AKAP10: variants seen among roughly 807,000 people sequenced by gnomAD.
AKAP10 encodes A-kinase anchor protein 10, mitochondrial.
Under a neutral mutation model 80.8 loss-of-function variants are expected in AKAP10, and 24 were observed. The observed-to-expected ratio is 0.30, with a 90% CI of 0.22 to 0.42. The LOEUF is 0.42. Ranked by LOEUF, AKAP10 falls within the 10% of genes least tolerant of loss-of-function variation. The pLI is 1.00. For missense variants in AKAP10, 661 were observed against 794.9 expected (o/e 0.83, Z 2.03); for synonymous variants, 291 against 277.7 (o/e 1.05, Z -0.48).
In AKAP10 at chr17:19,964,063, T is replaced by C. The variant is rs561496827; in HGVS notation, c.137-1041A>G. ...AAATGAAGAGTGACTGTCTTCAAAC[T>C]ATTTTTTCAATGTTAAAAGAAGGTT... is the stretch of plus-strand genomic sequence containing the variant. On this transcript the variant is annotated intron_variant, in intron 2 of 14. Coordinates refer to ENST00000225737, the MANE Select transcript of AKAP10 (RefSeq NM_007202.4). 7.9e-5 allele frequency among the ~76,000 whole-genome samples: 12 copies of C among 152,330 alleles called. No individual in the cohort carries two copies. The South Asian group carries it at 2.5e-3, about 32-fold the overall frequency.
chr17:19,949,339 T>C (rs1225750846), intron 4 of AKAP10, among the ~76,000 whole-genome samples: 1 of 151,372 alleles, frequency 6.6e-6, no homozygotes, highest in Non-Finnish European at 1.5e-5. Context: ...TGAATAGAAA[T>C]TTTCGAAGCT....
chr17:19,923,111 T>A (rs2042835868), intron 11 of AKAP10, among the ~76,000 whole-genome samples: 1 of 152,178 alleles, frequency 6.6e-6, no homozygotes, highest in Admixed American at 6.5e-5. Flanking sequence ...AGAGTCTTAC[T>A]CTGTCGCGCA....
rs143668235 is a variant in AKAP10, at chr17:19,940,965, C to A, written c.1107G>T (p.Gln369His). Reference sequence around the variant, plus strand: ...CAGTTCCACTGGTCAGCACTTCAATCTGGTATTTACAGAAATGGTGACTTC... The same window carrying A: ...CAGTTCCACTGGTCAGCACTTCAATATGGTATTTACAGAAATGGTGACTTC... ...FLRSHHFCKY[Q>H]IEVLTSGTVY... The change falls in exon 7 of 15, where the codon CAG becomes CAT. Residue 369 changes from glutamine to histidine, a missense_variant. Coordinates refer to ENST00000225737, the MANE Select transcript of AKAP10 (RefSeq NM_007202.4). 4 of 1,611,382 alleles carry A rather than the reference C, an allele frequency of 2.5e-6. No homozygotes were observed. In the South Asian group the frequency reaches 4.4e-5, roughly 18 times the overall value.
chr17:19,920,235 C>T, intron 11 of AKAP10, 117 bp from the exon 12 acceptor site: 2 of 699,522 alleles, frequency 2.9e-6, no homozygotes, highest in Non-Finnish European at 2.4e-6. Flanking sequence ...CAATTTATAG[C>T]TATCCTAAGT....
chr17:19,956,991 T>C lies in AKAP10; in HGVS notation c.877+1023A>G, dbSNP rs374343744. On this transcript the variant is annotated intron_variant, in intron 4 of 14. Coordinates refer to ENST00000225737, the MANE Select transcript of AKAP10 (RefSeq NM_007202.4). ...AGTAGCAGATTAGACCTCATTTTAGTTCACTGAGAATGAGTGAACTAAAAG... is the reference window on the plus strand; with the variant it reads ...AGTAGCAGATTAGACCTCATTTTAGCTCACTGAGAATGAGTGAACTAAAAG... 9.2e-5 allele frequency among the ~76,000 whole-genome samples: 14 copies of C among 152,216 alleles called. No homozygotes were observed. In the East Asian group the frequency reaches 2.5e-3, roughly 27 times the overall value.
chr17:19,946,224 A>T (rs866594074), intron 5 of AKAP10, among the ~76,000 whole-genome samples: 144 of 10,536 alleles, frequency 0.014, 9 homozygotes, highest in African/African-American at 0.038. Flanking sequence ...TATATATTTT[A>T]TATATATATA....
intron 14 of AKAP10, among the ~76,000 whole-genome samples, chr17:19,907,014 G>T (rs1005048350): frequency 5.4e-5 from 8 of 149,210 alleles, no homozygotes; most frequent in African/African-American, 7.5e-5. Flanking sequence ...CGAGTCTACT[G>T]TTTTTTTTTG....
chr17:19,946,223 TATATATATATATATTATATATATATATA>T (rs1567765351), intron 5 of AKAP10, among the ~76,000 whole-genome samples: 1 of 13,426 alleles, frequency 7.4e-5, no homozygotes, highest in Non-Finnish European at 1.4e-4. Flanking sequence ...ATATATATTT[TATATATATATATATTATATATATATATA>T]TATATATATA....
At chr17:19,914,455 G>A (rs2042723083) in intron 12 of AKAP10, among the ~76,000 whole-genome samples, 1 of 151,890 alleles carries the variant, frequency 6.6e-6, no homozygotes, top group Non-Finnish European at 1.5e-5. Flanking sequence ...CTTGAGACCA[G>A]CCTTGGTGAA....
At chr17:19,976,628 T>C (rs775349455) in intron 1 of AKAP10, among the ~76,000 whole-genome samples, 1 of 151,942 alleles carries the variant, frequency 6.6e-6, no homozygotes, top group African/African-American at 2.4e-5. Context: ...CAAGCGATTC[T>C]CCTGCTTCAG....
chr17:19,912,538 G>GA (rs2042701855), intron 12 of AKAP10, among the ~76,000 whole-genome samples: 1 of 151,572 alleles, frequency 6.6e-6, no homozygotes, highest in Non-Finnish European at 1.5e-5. Flanking sequence ...CTCCATCTCA[G>GA]AAAAAAACAA....
intron 4 of AKAP10, among the ~76,000 whole-genome samples, chr17:19,950,777 G>C (rs961076861): frequency 6.6e-6 from 1 of 151,794 alleles, no homozygotes; most frequent in Non-Finnish European, 1.5e-5. Flanking sequence ...CCCATCGTCT[G>C]GGATGTGAGG....
chr17:19,922,042 A>C (rs1178107864), intron 11 of AKAP10, among the ~76,000 whole-genome samples: 1 of 152,212 alleles, frequency 6.6e-6, no homozygotes, highest in African/African-American at 2.4e-5. Flanking sequence ...GATTACTGTG[A>C]GTAGGAAGGG....
chr17:19,970,266 A>G (rs554683214), intron 1 of AKAP10, among the ~76,000 whole-genome samples: 1 of 152,266 alleles, frequency 6.6e-6, no homozygotes, highest in Non-Finnish European at 1.5e-5. Context: ...TGGTCTGTTT[A>G]TTACCTTCCA....
At chr17:19,934,427 A>G (rs1228041339) in intron 9 of AKAP10, among the ~76,000 whole-genome samples, 2 of 152,152 alleles carry the variant, frequency 1.3e-5, no homozygotes, top group Admixed American at 1.3e-4. Context: ...GGCTCACTGC[A>G]GCCTTTAATT....
At chr17:19,925,611 TTAAAA>T (rs1231828778) in intron 10 of AKAP10, among the ~76,000 whole-genome samples, 2 of 152,118 alleles carry the variant, frequency 1.3e-5, no homozygotes, top group African/African-American at 4.8e-5. Context: ...GCAGCATTGT[TTAAAA>T]TAAAAGACAT....
chr17:19,966,394 T>C (rs2043419206), intron 2 of AKAP10, among the ~76,000 whole-genome samples: 1 of 152,206 alleles, frequency 6.6e-6, no homozygotes, highest in African/African-American at 2.4e-5. Context: ...ATCTGTAAGT[T>C]CAATGAGGGC....
At chr17:19,963,839 T>C (rs189312648) in intron 2 of AKAP10, among the ~76,000 whole-genome samples, 99 of 151,722 alleles carry the variant, frequency 6.5e-4, no homozygotes, top group Non-Finnish European at 1.3e-3. Context: ...AAGGTTGCAG[T>C]GAGCTGAGAT....
At chr17:19,933,466 G>C (rs2042959864) in intron 9 of AKAP10, among the ~76,000 whole-genome samples, 1 of 151,718 alleles carries the variant, frequency 6.6e-6, no homozygotes, top group South Asian at 2.1e-4. Flanking sequence ...TAACTACCAG[G>C]GTCTTGACAG....
Sources: gnomAD v4.1 joint callset for allele counts (sites outside exome capture counted in the v4.1 genomes callset) on GRCh38, gnomAD v4.1.1 for gene constraint, MANE v1.5 for transcripts, NCBI Gene and HGNC (gene_info 2026-07-23, HGNC 2026-07-21) for gene names.